DMD: variants seen among roughly 807,000 people sequenced by gnomAD.
The protein encoded by DMD is dystrophin, also known as mutant dystrophin.
Under a neutral mutation model 330.1 loss-of-function variants are expected in DMD, and 63 were observed. The observed-to-expected ratio is 0.19, with a 90% CI of 0.16 to 0.24. DMD has a LOEUF of 0.24. Among genes scored for constraint, DMD ranks in the 10% least tolerant of loss-of-function variants. The pLI, the probability that DMD is intolerant of heterozygous loss-of-function variation, is 1.00. For synonymous variants in DMD, 1,223 were observed against 959.8 expected (o/e 1.27, Z -5.07); for missense variants, 3,344 against 2,684.1 (o/e 1.25, Z -5.43).
chrX:31,767,183 CTTAA>C (rs1295989620), intron 51 of DMD, among the ~76,000 whole-genome samples: 1 of 111,704 alleles, frequency 9.0e-6, no homozygotes, highest in Non-Finnish European at 1.9e-5. Context: ...ACATTAATTT[CTTAA>C]TTAATTTCTT....
intron 1 of DMD, among the ~76,000 whole-genome samples, chrX:33,079,809 G>A (rs757403625): frequency 4.5e-5 from 5 of 111,509 alleles, no homozygotes; most frequent in Non-Finnish European, 9.4e-5. Context: ...AATCTTAAAA[G>A]AAAAACCTTT....
chrX:33,127,973 A>G, intron 1 of DMD: 2 of 1,035,770 alleles, frequency 1.9e-6, no homozygotes, highest in Admixed American at 3.2e-5. Flanking sequence ...CCTCACAACA[A>G]AAGCCCCAAT....
intron 60 of DMD, among the ~76,000 whole-genome samples, chrX:31,405,283 T>C (rs2061359786): frequency 8.9e-6 from 1 of 111,937 alleles, no homozygotes; most frequent in Non-Finnish European, 1.9e-5. Context: ...GCACAGGCAA[T>C]GAAAAATTAG....
intron 2 of DMD, among the ~76,000 whole-genome samples, chrX:32,916,014 A>G (rs983683657): frequency 2.7e-5 from 3 of 111,819 alleles, no homozygotes; most frequent in Non-Finnish European, 5.6e-5. Flanking sequence ...ACATAAATAT[A>G]GTATAATTAA....
chrX:31,914,361 T>A (rs1327607395), intron 47 of DMD, among the ~76,000 whole-genome samples: 1 of 112,005 alleles, frequency 8.9e-6, no homozygotes, highest in Non-Finnish European at 1.9e-5. Context: ...TTCCCTATGA[T>A]CCAGCAATCC....
intron 43 of DMD, among the ~76,000 whole-genome samples, chrX:32,244,817 T>G (rs2097226058): frequency 1.5e-5 from 1 of 64,862 alleles, no homozygotes; most frequent in Non-Finnish European, 2.9e-5. Flanking sequence ...TGTTTGTTTT[T>G]TTCTTGTAAA....
chrX:32,922,641 C>T lies in DMD; in HGVS notation c.94-72821G>A, dbSNP rs146997013. Among the ~76,000 whole-genome samples, 414 of 112,469 alleles carry T rather than the reference C, an allele frequency of 3.7e-3. 1 individual carries two copies. Among genetic ancestry groups the T allele is most frequent in the Non-Finnish European group, 5.0e-3 (267 of 53,299 alleles). On this transcript the variant is annotated intron_variant, in intron 2 of 78. Transcript: ENST00000357033. ...TTCTCGCTCCTATGAGAATGTAATG[C>T]TGCTGCTTATCTGACAGGAGGCAGA... is the stretch of plus-strand genomic sequence containing the variant.
intron 44 of DMD, among the ~76,000 whole-genome samples, chrX:32,132,993 CTTTTTTTTTTTTTTTT>C (rs377615262): frequency 0.072 from 5,464 of 75,923 alleles, 283 homozygotes; most frequent in African/African-American, 0.2. Context: ...CTTTTCTTTT[CTTTTTTTTTTTTTTTT>C]TTTTTTTTTT....
intron 47 of DMD, among the ~76,000 whole-genome samples, chrX:31,893,542 C>T (rs1421899520): frequency 9.7e-6 from 1 of 102,797 alleles, no homozygotes; most frequent in Non-Finnish European, 2.0e-5. Context: ...AAGAGCTGTA[C>T]TTGAATAATG....
chrX:31,659,279 G>A (rs2080970719), intron 53 of DMD, among the ~76,000 whole-genome samples: 1 of 111,058 alleles, frequency 9.0e-6, no homozygotes, highest in African/African-American at 3.3e-5. Flanking sequence ...ACTTTATCCT[G>A]ATAAAATCTT....
intron 1 of DMD, among the ~76,000 whole-genome samples, chrX:33,064,784 G>T (rs1007296337): frequency 9.0e-6 from 1 of 111,115 alleles, no homozygotes; most frequent in African/African-American, 3.3e-5. Context: ...AGCTACTTGG[G>T]AGACTGAGGT....
intron 2 of DMD, among the ~76,000 whole-genome samples, chrX:32,933,968 A>G (rs2089799335): frequency 9.0e-6 from 1 of 111,392 alleles, no homozygotes; most frequent in South Asian, 3.8e-4. Context: ...TTGCTTTCTG[A>G]CTATTCTGCT....
At chrX:32,209,642 G>T (rs949262525) in intron 44 of DMD, among the ~76,000 whole-genome samples, 3 of 111,462 alleles carry the variant, frequency 2.7e-5, no homozygotes, top group Admixed American at 9.6e-5. Flanking sequence ...TTTGGAATTT[G>T]CAATCAGCAT....
At chrX:32,923,059 CTA>C (rs1392562409) in intron 2 of DMD, among the ~76,000 whole-genome samples, 2 of 111,638 alleles carry the variant, frequency 1.8e-5, no homozygotes, top group South Asian at 7.4e-4. Context: ...ACATAGAATT[CTA>C]TGTCTCCTAT....
intron 30 of DMD, among the ~76,000 whole-genome samples, chrX:32,405,598 C>T (rs968168496): frequency 3.6e-5 from 4 of 111,019 alleles, no homozygotes; most frequent in African/African-American, 6.5e-5. Context: ...GATGCTGTGG[C>T]CATATAATTT....
intron 17 of DMD, 23 bp downstream of exon 17, chrX:32,545,136 A>G (rs1386735921): frequency 3.3e-5 from 39 of 1,198,535 alleles, no homozygotes; most frequent in Non-Finnish European, 4.4e-5. Flanking sequence ...TCATTTGCAG[A>G]TAAAAGCTTA....
chrX:32,395,534 C>A (rs1236306118), intron 30 of DMD, among the ~76,000 whole-genome samples: 2 of 111,150 alleles, frequency 1.8e-5, no homozygotes, highest in Non-Finnish European at 3.8e-5. Flanking sequence ...AACAAACCTG[C>A]ATGTTGTGCA....
intron 17 of DMD, among the ~76,000 whole-genome samples, chrX:32,541,586 G>A (rs2048485928): frequency 8.9e-6 from 1 of 111,794 alleles, no homozygotes; most frequent in Admixed American, 9.5e-5. Context: ...ACCTATAAGT[G>A]AGAGATAAAC....
intron 1 of DMD, among the ~76,000 whole-genome samples, chrX:33,068,546 C>A (rs1207842337): frequency 1.8e-5 from 2 of 112,220 alleles, no homozygotes; most frequent in Non-Finnish European, 3.8e-5. Context: ...TAAACGTTAT[C>A]ACTGGATATG....
Sources: gnomAD v4.1 joint callset for allele counts (sites outside exome capture counted in the v4.1 genomes callset) on GRCh38, gnomAD v4.1.1 for gene constraint, MANE v1.5 for transcripts, NCBI Gene and HGNC (gene_info 2026-07-23, HGNC 2026-07-21) for gene names.